Variants in HCN1 observed in about 807,000 individuals in gnomAD.
The protein encoded by HCN1 is hyperpolarization activated cyclic nucleotide gated potassium channel 1.
Under a neutral mutation model 78.9 loss-of-function variants are expected in HCN1, and 13 were observed. The observed-to-expected ratio is 0.16, with a 90% CI of 0.11 to 0.26. The LOEUF (loss-of-function observed/expected upper bound fraction) is 0.26, where lower values mean the gene tolerates loss of function less well. HCN1 is among the 10% of genes least tolerant of loss of function. The pLI is 1.00. For missense variants in HCN1, 810 were observed against 1,154.3 expected, an observed-to-expected ratio of 0.70 and a Z score of 4.32; for synonymous variants, 552 against 455.5, an observed-to-expected ratio of 1.21 and a Z score of -2.70.
chr5:45,279,454 G>A (rs1179918061), intron 6 of HCN1, among the ~76,000 whole-genome samples: 1 of 152,064 alleles, frequency 6.6e-6, no homozygotes, highest in Non-Finnish European at 1.5e-5. Context: ...ATAAGGATGA[G>A]AAATGACTTT....
intron 2 of HCN1, among the ~76,000 whole-genome samples, chr5:45,572,708 A>C (rs1452355706): frequency 6.6e-6 from 1 of 152,076 alleles, no homozygotes; most frequent in African/African-American, 2.4e-5. Context: ...CTAATGATTG[A>C]CTCTGTATTC....
chr5:45,285,034 G>A (rs974488261), intron 6 of HCN1, among the ~76,000 whole-genome samples: 20 of 152,114 alleles, frequency 1.3e-4, no homozygotes, highest in African/African-American at 4.8e-4. Flanking sequence ...GTCCATATTA[G>A]GGTCATGCTT....
intron 5 of HCN1, among the ~76,000 whole-genome samples, chr5:45,324,870 T>G (rs554206120): frequency 6.6e-6 from 1 of 151,638 alleles, no homozygotes; most frequent in Non-Finnish European, 1.5e-5. Flanking sequence ...TCAAGGAAAA[T>G]TAAAATAAAT....
chr5:45,624,478 A>C (rs1490392697), intron 2 of HCN1, among the ~76,000 whole-genome samples: 1 of 152,198 alleles, frequency 6.6e-6, no homozygotes, highest in East Asian at 1.9e-4. Context: ...GAATGCACCT[A>C]TTTCACTTGC....
intron 5 of HCN1, among the ~76,000 whole-genome samples, chr5:45,318,498 C>T (rs1746049593): frequency 1.3e-5 from 2 of 151,810 alleles, no homozygotes; most frequent in East Asian, 1.9e-4. Flanking sequence ...ACCAACATGG[C>T]ACATGTATAC....
intron 5 of HCN1, among the ~76,000 whole-genome samples, chr5:45,335,490 C>G (rs1746434438): frequency 6.6e-6 from 1 of 152,068 alleles, no homozygotes; most frequent in Non-Finnish European, 1.5e-5. Flanking sequence ...AGCTTACTAG[C>G]AGATTGTTTG....
At chr5:45,501,431 T>C (rs1338004213) in intron 2 of HCN1, among the ~76,000 whole-genome samples, 1 of 152,096 alleles carries the variant, frequency 6.6e-6, no homozygotes, top group Non-Finnish European at 1.5e-5. Flanking sequence ...TTTCACTTTT[T>C]TTTTGTTTGT....
chr5:45,537,141 T>C (rs1561192928), intron 2 of HCN1, among the ~76,000 whole-genome samples: 1 of 152,216 alleles, frequency 6.6e-6, no homozygotes, highest in Non-Finnish European at 1.5e-5. Flanking sequence ...TGCAGCTTTC[T>C]GTTCTCAAGA....
At chr5:45,340,136 G>A (rs1264071957) in intron 5 of HCN1, among the ~76,000 whole-genome samples, 11 of 152,084 alleles carry the variant, frequency 7.2e-5, no homozygotes, top group Non-Finnish European at 1.5e-5. Context: ...GGTCAGGCTG[G>A]TCTCGAACTC....
intron 5 of HCN1, among the ~76,000 whole-genome samples, chr5:45,304,040 C>T (rs1309139192): frequency 2.6e-5 from 4 of 151,956 alleles, no homozygotes; most frequent in Non-Finnish European, 5.9e-5. Flanking sequence ...ATTCCCAGCA[C>T]CTAGTGTAGT....
chr5:45,383,461 C>T (rs749179601), intron 4 of HCN1, among the ~76,000 whole-genome samples: 4 of 152,160 alleles, frequency 2.6e-5, no homozygotes, highest in African/African-American at 9.6e-5. Flanking sequence ...TTTGGGAGGC[C>T]GAGGCGGACG....
chr5:45,593,137 T>C (rs949616398), intron 2 of HCN1, among the ~76,000 whole-genome samples: 4 of 152,214 alleles, frequency 2.6e-5, no homozygotes, highest in Non-Finnish European at 4.4e-5. Flanking sequence ...TCCTATATTC[T>C]GTACATACCT....
At chr5:45,561,995 T>C (rs943147938) in intron 2 of HCN1, among the ~76,000 whole-genome samples, 5 of 152,158 alleles carry the variant, frequency 3.3e-5, no homozygotes, top group Non-Finnish European at 5.9e-5. Flanking sequence ...TAATCATAAG[T>C]ATAGTGCTCT....
intron 2 of HCN1, among the ~76,000 whole-genome samples, chr5:45,465,863 T>C (rs1177142917): frequency 1.3e-5 from 2 of 152,206 alleles, no homozygotes; most frequent in African/African-American, 4.8e-5. Flanking sequence ...GCTCAGGACA[T>C]TGTGCTGTTC....
At chr5:45,334,201 A>G (rs1414248336) in intron 5 of HCN1, among the ~76,000 whole-genome samples, 1 of 151,866 alleles carries the variant, frequency 6.6e-6, no homozygotes, top group Non-Finnish European at 1.5e-5. Flanking sequence ...TAGAAGAAAA[A>G]GTTATTTATT....
intron 6 of HCN1, among the ~76,000 whole-genome samples, chr5:45,302,683 C>T (rs552306668): frequency 5.9e-4 from 89 of 151,052 alleles, no homozygotes; most frequent in African/African-American, 2.0e-3. Context: ...TGGCTGTGTC[C>T]CCATTCAAAT....
chr5:45,545,264 A>G (rs1365946390), intron 2 of HCN1, among the ~76,000 whole-genome samples: 5 of 152,138 alleles, frequency 3.3e-5, no homozygotes, highest in Admixed American at 1.3e-4. Context: ...GTGTCTGTTC[A>G]TATCCTTTGC....
At chr5:45,612,574 G>A (rs144237193) in intron 2 of HCN1, among the ~76,000 whole-genome samples, 33 of 152,216 alleles carry the variant, frequency 2.2e-4, no homozygotes, top group East Asian at 9.6e-4. Flanking sequence ...CCAAGTGTTC[G>A]TAATTTGGAT....
chr5:45,556,045 A>G (rs1354734726), intron 2 of HCN1, among the ~76,000 whole-genome samples: 1 of 152,026 alleles, frequency 6.6e-6, no homozygotes, highest in Admixed American at 6.6e-5. Context: ...CTCACCATAT[A>G]CAAAAGTCAA....
Sources: allele counts gnomAD v4.1 joint callset (sites outside exome capture counted in the v4.1 genomes callset), GRCh38; gene constraint gnomAD v4.1.1; transcripts MANE v1.5; gene names NCBI Gene and HGNC (gene_info 2026-07-23, HGNC 2026-07-21).